PPARGC1A: variants seen among roughly 807,000 people sequenced by gnomAD.
The protein encoded by PPARGC1A is PPARG coactivator 1 alpha, also known as peroxisome proliferator-activated receptor gamma coactivator 1-alpha.
In PPARGC1A, 25 loss-of-function variants were observed where a neutral mutation model predicts 88.7. The ratio of observed to expected loss-of-function variants is 0.28; its 90% CI spans 0.21 to 0.39. The LOEUF (loss-of-function observed/expected upper bound fraction) is 0.39, where lower values mean the gene tolerates loss of function less well. PPARGC1A is among the 10% of genes least tolerant of loss of function. The pLI, the probability that PPARGC1A is intolerant of heterozygous loss-of-function variation, is 1.00. For missense variants in PPARGC1A, 880 were observed against 968.7 expected, an observed-to-expected ratio of 0.91 and a Z score of 1.22; for synonymous variants, 363 against 355.6, an observed-to-expected ratio of 1.02 and a Z score of -0.24.
At chr4:24,233,619 CACAT>C in the PPARGC1A span, among the ~76,000 whole-genome samples, 1 of 142,452 alleles carries the variant, frequency 7.0e-6, no homozygotes, top group African/African-American at 2.6e-5. Context: ...CACACACACA[CACAT>C]ATACACACCC....
the PPARGC1A span, among the ~76,000 whole-genome samples, chr4:24,437,741 C>T: frequency 2.6e-4 from 39 of 152,054 alleles, no homozygotes; most frequent in South Asian, 8.1e-3. Context: ...GCGATCTCAG[C>T]TCACTGCAAC....
chr4:24,413,953 A>G, the PPARGC1A span, among the ~76,000 whole-genome samples: 3 of 152,204 alleles, frequency 2.0e-5, no homozygotes, highest in Non-Finnish European at 4.4e-5. Context: ...GGGATTTTGA[A>G]AAGGAGATTT....
At chr4:24,001,638 T>C in the PPARGC1A span, among the ~76,000 whole-genome samples, 3 of 152,186 alleles carry the variant, frequency 2.0e-5, no homozygotes, top group East Asian at 3.8e-4. Context: ...TCACTGATTT[T>C]TTTTTCCTAC....
chr4:23,920,743 A>G, the PPARGC1A span, among the ~76,000 whole-genome samples: 1 of 152,214 alleles, frequency 6.6e-6, no homozygotes, highest in Non-Finnish European at 1.5e-5. Context: ...GTGTTTTGCT[A>G]GAATTATTTT....
chr4:24,362,856 G>C, the PPARGC1A span, among the ~76,000 whole-genome samples: 21 of 152,322 alleles, frequency 1.4e-4, 1 homozygote, highest in South Asian at 4.1e-3. Context: ...TGAGACAGGA[G>C]AGGCATTCAA....
In PPARGC1A at chr4:23,794,343, A is replaced by C. The variant is rs1445249121; in HGVS notation, c.*1479T>G. On this transcript the variant is annotated 3_prime_UTR_variant, in exon 13 of 13. Coordinates refer to ENST00000264867, the MANE Select transcript of PPARGC1A (RefSeq NM_013261.5). ...TCCCCTAACAAATCCAGTGTATAAA[A>C]CTTCAAAGAAAAACAAGCGACAAGA... 6.6e-6 allele frequency: 1 copy of C among 152,538 alleles called. No homozygotes were observed. Among genetic ancestry groups the C allele is most frequent in the African/African-American group, 2.4e-5 (1 of 41,428 alleles). 9.4% of individuals were successfully genotyped at this position (152,538 alleles called of 1,614,324 possible).
At chr4:24,462,268 T>A in the PPARGC1A span, among the ~76,000 whole-genome samples, 1 of 143,614 alleles carries the variant, frequency 7.0e-6, no homozygotes, top group Non-Finnish European at 1.5e-5. Flanking sequence ...TTTTTTTTTT[T>A]GTATTTTTAG....
chr4:23,827,880 GAGA>G (rs1724268365), intron 5 of PPARGC1A, among the ~76,000 whole-genome samples: 1 of 152,024 alleles, frequency 6.6e-6, no homozygotes, highest in East Asian at 1.9e-4. Flanking sequence ...GGTGAAGGAG[GAGA>G]AGGAGAAAGA....
the PPARGC1A span, among the ~76,000 whole-genome samples, chr4:24,189,078 C>T: frequency 6.6e-6 from 1 of 152,056 alleles, no homozygotes; most frequent in African/African-American, 2.4e-5. Flanking sequence ...TCCACTTACG[C>T]AAGCTACTTG....
the PPARGC1A span, among the ~76,000 whole-genome samples, chr4:23,953,234 C>T: frequency 6.6e-6 from 1 of 152,002 alleles, no homozygotes; most frequent in Non-Finnish European, 1.5e-5. Context: ...TATAATAATA[C>T]CCTTTCAAAG....
At chr4:24,354,727 A>C in the PPARGC1A span, among the ~76,000 whole-genome samples, 3 of 152,108 alleles carry the variant, frequency 2.0e-5, no homozygotes, top group South Asian at 4.2e-4. Context: ...TCTACTAAAA[A>C]TACAAAAAAA....
In PPARGC1A at chr4:23,796,746, A is replaced by G. The variant is rs1331911928; in HGVS notation, c.2294-821T>C. On this transcript the variant is annotated intron_variant, in intron 12 of 12. Coordinates refer to ENST00000264867, the MANE Select transcript of PPARGC1A (RefSeq NM_013261.5). ...TATTTCTGCTGGTCTTGCAAGTAAC[A>G]AAGGGGGGCTTGGAAATATAATAAA... is the stretch of plus-strand genomic sequence containing the variant. Among the ~76,000 whole-genome samples, 16 of 152,218 alleles carry G rather than the reference A, an allele frequency of 1.1e-4. No homozygotes were observed. The East Asian group carries it at 3.1e-3, about 29-fold the overall frequency.
chr4:24,416,099 T>G, the PPARGC1A span, among the ~76,000 whole-genome samples: 10 of 152,160 alleles, frequency 6.6e-5, no homozygotes, highest in Admixed American at 3.3e-4. Context: ...AAAATGCAGA[T>G]GGATACAGGC....
the PPARGC1A span, among the ~76,000 whole-genome samples, chr4:23,923,114 T>A: frequency 5.6e-4 from 35 of 62,824 alleles, no homozygotes; most frequent in Non-Finnish European, 9.9e-4. Context: ...GTTTTGTTGC[T>A]TGTTTTTTTT....
the PPARGC1A span, among the ~76,000 whole-genome samples, chr4:24,340,066 T>C: frequency 6.6e-6 from 1 of 152,172 alleles, no homozygotes; most frequent in African/African-American, 2.4e-5. Context: ...AATTTCTTTT[T>C]ATTTAAAGCC....
At chr4:24,465,617 C>T in the PPARGC1A span, among the ~76,000 whole-genome samples, 1 of 152,202 alleles carries the variant, frequency 6.6e-6, no homozygotes, top group Non-Finnish European at 1.5e-5. Context: ...TTTTACATTT[C>T]CGCTAGGGCT....
chr4:24,005,834 G>C, the PPARGC1A span, among the ~76,000 whole-genome samples: 1 of 152,054 alleles, frequency 6.6e-6, no homozygotes, highest in Non-Finnish European at 1.5e-5. Context: ...AACAAACCCA[G>C]AAATCTTATG....
chr4:24,027,518 A>G, the PPARGC1A span, among the ~76,000 whole-genome samples: 1 of 152,184 alleles, frequency 6.6e-6, no homozygotes, highest in African/African-American at 2.4e-5. Flanking sequence ...TTCATTATTT[A>G]TTATCAGTCT....
the PPARGC1A span, among the ~76,000 whole-genome samples, chr4:24,420,004 G>A: frequency 6.6e-6 from 1 of 152,150 alleles, no homozygotes; most frequent in East Asian, 1.9e-4. Flanking sequence ...AGGCTCTAAA[G>A]AACCAGTAAT....
Sources: allele counts gnomAD v4.1 joint callset (sites outside exome capture counted in the v4.1 genomes callset), GRCh38; gene constraint gnomAD v4.1.1; transcripts MANE v1.5; gene names NCBI Gene and HGNC (gene_info 2026-07-23, HGNC 2026-07-21).